The following NRCAM variants were observed in gnomAD, a reference collection of about 807,000 sequenced individuals.
NRCAM encodes the protein neuronal cell adhesion molecule, also known as NgCAM-related cell adhesion molecule.
In NRCAM, 83 loss-of-function variants were observed where a neutral mutation model predicts 156.5. That is an observed-to-expected ratio of 0.53 (90% confidence interval 0.44 to 0.64). The LOEUF is 0.64. NRCAM is among the 30% of genes least tolerant of loss of function. The pLI is 0.00. For synonymous variants in NRCAM, 538 were observed against 563.9 expected (o/e 0.95, Z 0.65); for missense variants, 1,417 against 1,597.3 (o/e 0.89, Z 1.92).
intron 2 of NRCAM, among the ~76,000 whole-genome samples, chr7:108,352,255 C>T (rs2099418307): frequency 6.6e-6 from 1 of 152,098 alleles, no homozygotes; most frequent in Non-Finnish European, 1.5e-5. Context: ...CCCTGGAGTC[C>T]ACCAGTCCAT....
At chr7:108,160,339 A>C (rs372280341) in intron 31 of NRCAM, 22 bp downstream of exon 31, 2 of 1,604,898 alleles carry the variant, frequency 1.2e-6, no homozygotes, top group Non-Finnish European at 1.7e-6. Flanking sequence ...ATTATAAAGC[A>C]ATTTTAATCT....
At chr7:108,271,896 C>G (rs1210190225) in intron 3 of NRCAM, among the ~76,000 whole-genome samples, 1 of 152,156 alleles carries the variant, frequency 6.6e-6, no homozygotes, top group Non-Finnish European at 1.5e-5. Context: ...GGAGCATAAA[C>G]TAGCAAGCAA....
chr7:108,168,103 G>A (rs367668), intron 29 of NRCAM, among the ~76,000 whole-genome samples, 174 bp downstream of exon 29: 13,643 of 152,160 alleles, frequency 0.09, 748 homozygotes, highest in African/African-American at 0.15. Flanking sequence ...TCCTAGTCGT[G>A]CATATAATAT....
At chr7:108,305,594 C>T (rs891974956) in intron 3 of NRCAM, among the ~76,000 whole-genome samples, 1 of 152,150 alleles carries the variant, frequency 6.6e-6, no homozygotes, top group Non-Finnish European at 1.5e-5. Context: ...CCTTTCATAA[C>T]CTGTTCCTCC....
At chr7:108,411,611 C>T (rs1330606677) in intron 1 of NRCAM, among the ~76,000 whole-genome samples, 1 of 152,118 alleles carries the variant, frequency 6.6e-6, no homozygotes, top group Non-Finnish European at 1.5e-5. Context: ...CTCACTGCAA[C>T]CTCTGCCTCC....
At chr7:108,299,148 G>GAAAAGAAA (rs1563165051) in intron 3 of NRCAM, among the ~76,000 whole-genome samples, 2 of 56,234 alleles carry the variant, frequency 3.6e-5, no homozygotes, top group Non-Finnish European at 7.5e-5. Context: ...GAAAAGAAAA[G>GAAAAGAAA]TAAAAAAAAA....
chr7:108,387,061 C>T (rs1174248899), intron 2 of NRCAM, among the ~76,000 whole-genome samples: 1 of 152,148 alleles, frequency 6.6e-6, no homozygotes, highest in Non-Finnish European at 1.5e-5. Flanking sequence ...ATCCTCTGAA[C>T]ATGGGCAAAA....
chr7:108,314,659 AT>A (rs1243672886), intron 2 of NRCAM, among the ~76,000 whole-genome samples: 1 of 152,230 alleles, frequency 6.6e-6, no homozygotes, highest in Non-Finnish European at 1.5e-5. Flanking sequence ...TTAGCCACTT[AT>A]GGAAAAATAA....
At chr7:108,259,042 A>T (rs1185519017) in intron 3 of NRCAM, among the ~76,000 whole-genome samples, 2 of 152,174 alleles carry the variant, frequency 1.3e-5, no homozygotes, top group Non-Finnish European at 2.9e-5. Flanking sequence ...TGAGTGCCCA[A>T]CAGCCACATG....
Position 108,304,525 on chromosome 7 carries a change from A to G in NRCAM, c.-107+8140T>C, listed in dbSNP as rs572189627. The stretch of plus-strand genomic sequence containing the variant: ...ATTTTATCACCTCTCTCAGTTCCCT[A>G]TTTATAACAAGCAATAGATAATGTT... On this transcript the variant is annotated intron_variant, in intron 3 of 32. Transcript: ENST00000379028. Among the ~76,000 whole-genome samples the G allele has an allele frequency of 2.9e-4, 44 of 152,134 alleles. 1 individual carries two copies. Among genetic ancestry groups the G allele is most frequent in the African/African-American group, 1.1e-3 (44 of 41,516 alleles).
chr7:108,424,993 G>A (rs1329082581), intron 1 of NRCAM, among the ~76,000 whole-genome samples: 11 of 152,150 alleles, frequency 7.2e-5, no homozygotes, highest in Admixed American at 5.9e-4. Context: ...TACATAGCTA[G>A]TGCATAGATA....
chr7:108,387,961 A>G lies in NRCAM; in HGVS notation c.-174+11475T>C, dbSNP rs1175902481. The stretch of plus-strand genomic sequence containing the variant: ...ATTTTCTTAATCCAGTCGATCATTG[A>G]TGGACATTTGAGTTGGTTCCAAGTC... On this transcript the variant is annotated intron_variant, in intron 2 of 32. Transcript: ENST00000379028. Among the ~76,000 whole-genome samples, 4 of 152,132 alleles carry G rather than the reference A, an allele frequency of 2.6e-5. No individual in the cohort carries two copies. The East Asian group carries it at 7.7e-4, about 29-fold the overall frequency.
At chr7:108,375,614 C>T (rs2099671873) in intron 2 of NRCAM, among the ~76,000 whole-genome samples, 2 of 152,168 alleles carry the variant, frequency 1.3e-5, no homozygotes, top group Admixed American at 1.3e-4. Context: ...AATAATGGAA[C>T]AGCTGTAAAA....
At chr7:108,420,919 T>A (rs1808735099) in intron 1 of NRCAM, among the ~76,000 whole-genome samples, 1 of 152,202 alleles carries the variant, frequency 6.6e-6, no homozygotes, top group African/African-American at 2.4e-5. Flanking sequence ...AAGAAACTAT[T>A]CATGAGGAAT....
chr7:108,273,260 C>T (rs2097443986), intron 3 of NRCAM, among the ~76,000 whole-genome samples: 1 of 152,192 alleles, frequency 6.6e-6, no homozygotes, highest in Non-Finnish European at 1.5e-5. Flanking sequence ...TGGGTATACA[C>T]TCAGTAATGG....
chr7:108,349,038 T>G (rs1208253606), intron 2 of NRCAM, among the ~76,000 whole-genome samples: 1 of 152,118 alleles, frequency 6.6e-6, no homozygotes, highest in Non-Finnish European at 1.5e-5. Context: ...GTGTAAAATC[T>G]CTATGTACAA....
chr7:108,439,905 A>G (rs1040442833), intron 1 of NRCAM, among the ~76,000 whole-genome samples: 2 of 151,766 alleles, frequency 1.3e-5, no homozygotes, highest in Non-Finnish European at 2.9e-5. Flanking sequence ...TGGAACCCTC[A>G]GGCATTCCTG....
intron 3 of NRCAM, among the ~76,000 whole-genome samples, chr7:108,272,407 A>T (rs1336468184): frequency 1.3e-5 from 2 of 152,152 alleles, no homozygotes; most frequent in African/African-American, 4.8e-5. Context: ...GGGTTAGTGC[A>T]GGCTCACCAT....
At chr7:108,306,953 G>T (rs1345553180) in intron 3 of NRCAM, among the ~76,000 whole-genome samples, 2 of 152,084 alleles carry the variant, frequency 1.3e-5, no homozygotes, top group East Asian at 1.9e-4. Flanking sequence ...TAAATCCCTG[G>T]GTGGGATTAT....
Sources: allele counts gnomAD v4.1 joint callset (sites outside exome capture counted in the v4.1 genomes callset), GRCh38; gene constraint gnomAD v4.1.1; transcripts MANE v1.5; gene names NCBI Gene and HGNC (gene_info 2026-07-23, HGNC 2026-07-21).